TESK2: variants seen among roughly 807,000 people sequenced by gnomAD.
TESK2 encodes testis associated actin remodelling kinase 2.
A neutral mutation model predicts 57.1 loss-of-function variants in TESK2; 39 were observed. The ratio of observed to expected loss-of-function variants is 0.68; its 90% confidence interval spans 0.53 to 0.89. The LOEUF (loss-of-function observed/expected upper bound fraction) is 0.89, where lower values mean the gene tolerates loss of function less well. TESK2 is among the 40% of genes least tolerant of loss of function. The pLI is 0.00. For synonymous variants in TESK2, 249 were observed against 267.9 expected, an observed-to-expected ratio of 0.93 and a Z score of 0.69; for missense variants, 646 against 732.1, an observed-to-expected ratio of 0.88 and a Z score of 1.36.
chr1:45,490,653 A>G (rs2149311458), intron 1 of TESK2, among the ~76,000 whole-genome samples, 199 bp downstream of exon 1: 1 of 152,030 alleles, frequency 6.6e-6, no homozygotes, highest in African/African-American at 2.4e-5. Flanking sequence ...GCCTGAGGGA[A>G]GTGAGAAGGA....
intron 3 of TESK2, among the ~76,000 whole-genome samples, chr1:45,409,545 G>T (rs1280403375): frequency 6.6e-6 from 1 of 152,188 alleles, no homozygotes; most frequent in Non-Finnish European, 1.5e-5. Flanking sequence ...AGGAAATTCA[G>T]CAGGGAAATG....
intron 4 of TESK2, among the ~76,000 whole-genome samples, chr1:45,357,940 G>T (rs1647507767): frequency 6.8e-6 from 1 of 147,466 alleles, no homozygotes; most frequent in Non-Finnish European, 1.5e-5. Context: ...GGAGATGGAG[G>T]TTGCAGTAAG....
chr1:45,430,540 G>C (rs546279149), intron 2 of TESK2, among the ~76,000 whole-genome samples: 46 of 152,244 alleles, frequency 3.0e-4, no homozygotes, highest in Non-Finnish European at 6.2e-4. Context: ...ACCTCTCTCA[G>C]GTCTGAGCTC....
At chr1:45,421,596 C>A (rs1198166720) in intron 3 of TESK2, 129 bp downstream of exon 3, 13 of 1,350,766 alleles carry the variant, frequency 9.6e-6, no homozygotes, top group Admixed American at 2.1e-5. Flanking sequence ...TAGAGTACCA[C>A]TAAACCCCAG....
Position 45,434,665 on chromosome 1 carries a change from T to C in TESK2, c.223-12819A>G, listed in dbSNP as rs1205785928. ...TTCATGTCCTTTGCCCATTTTTAAA[T>C]GGGATTTTCGGGGTAGGGAGAGATG... On this transcript the variant is annotated intron_variant, in intron 2 of 10. Transcript: ENST00000372086. 2.6e-5 allele frequency among the ~76,000 whole-genome samples: 4 copies of C among 152,264 alleles called. No individual in the cohort carries two copies. The East Asian group carries it at 7.7e-4, about 29-fold the overall frequency.
intron 2 of TESK2, among the ~76,000 whole-genome samples, chr1:45,429,178 C>A (rs180965314): frequency 6.6e-6 from 1 of 152,110 alleles, no homozygotes; most frequent in African/African-American, 2.4e-5. Flanking sequence ...TCGCCAGGTG[C>A]GGTAGAGATC....
chr1:45,356,858 C>G (rs1404056247), intron 4 of TESK2, among the ~76,000 whole-genome samples: 1 of 151,942 alleles, frequency 6.6e-6, no homozygotes, highest in Non-Finnish European at 1.5e-5. Flanking sequence ...CAACAGAATC[C>G]CAAGGAACAG....
intron 1 of TESK2, among the ~76,000 whole-genome samples, chr1:45,482,572 G>C (rs1309399117): frequency 6.8e-6 from 1 of 146,370 alleles, no homozygotes; most frequent in Non-Finnish European, 1.5e-5. Context: ...ACCACAGATT[G>C]AGATCTGCAG....
chr1:45,352,785 A>G (rs1553142536), intron 5 of TESK2, among the ~76,000 whole-genome samples: 1 of 152,126 alleles, frequency 6.6e-6, no homozygotes, highest in Non-Finnish European at 1.5e-5. Context: ...ATATTTTGTC[A>G]CAAACTCCTT....
At chr1:45,482,195 TG>T (rs1653254942) in intron 1 of TESK2, among the ~76,000 whole-genome samples, 1 of 152,200 alleles carries the variant, frequency 6.6e-6, no homozygotes, top group African/African-American at 2.4e-5. Context: ...CCACTAATGC[TG>T]GAAGTGCTCT....
At chr1:45,384,007 C>G (rs1648761265) in intron 4 of TESK2, among the ~76,000 whole-genome samples, 1 of 152,034 alleles carries the variant, frequency 6.6e-6, no homozygotes, top group Non-Finnish European at 1.5e-5. Context: ...ATTAACAATT[C>G]AGAGTTCAGA....
intron 1 of TESK2, among the ~76,000 whole-genome samples, chr1:45,472,684 T>G (rs1420564723): frequency 6.6e-6 from 1 of 151,988 alleles, no homozygotes; most frequent in Non-Finnish European, 1.5e-5. Flanking sequence ...TGGCTAGCCA[T>G]TCACCTAAAG....
At chr1:45,416,231 C>T (rs1208084072) in intron 3 of TESK2, among the ~76,000 whole-genome samples, 1 of 151,428 alleles carries the variant, frequency 6.6e-6, no homozygotes, top group Non-Finnish European at 1.5e-5. Context: ...TACAGGCGCA[C>T]ACCACCATGC....
At chr1:45,475,058 T>A (rs1348655127) in intron 1 of TESK2, among the ~76,000 whole-genome samples, 2 of 105,160 alleles carry the variant, frequency 1.9e-5, no homozygotes, top group Non-Finnish European at 3.7e-5. Context: ...AGCAAGACTC[T>A]ATCTCAAAAA....
intron 3 of TESK2, among the ~76,000 whole-genome samples, chr1:45,406,603 C>G (rs2149282082): frequency 6.6e-6 from 1 of 152,164 alleles, no homozygotes; most frequent in Non-Finnish European, 1.5e-5. Flanking sequence ...TGCAGTAACC[C>G]ATGATCACAC....
intron 2 of TESK2, among the ~76,000 whole-genome samples, chr1:45,448,656 C>T (rs7514911): frequency 0.053 from 8,048 of 152,068 alleles, 723 homozygotes; most frequent in African/African-American, 0.18. Flanking sequence ...CACTTATCAC[C>T]GACGGGATGG....
chr1:45,479,295 T>A (rs1357710253), intron 1 of TESK2, among the ~76,000 whole-genome samples: 2 of 152,096 alleles, frequency 1.3e-5, no homozygotes, highest in Non-Finnish European at 2.9e-5. Context: ...GGACTAAGTA[T>A]AAAAAATACT....
At chr1:45,406,862 C>T (rs1045064593) in intron 3 of TESK2, among the ~76,000 whole-genome samples, 3 of 152,046 alleles carry the variant, frequency 2.0e-5, no homozygotes, top group Admixed American at 2.0e-4. Flanking sequence ...GAATCACCTC[C>T]TCAGAGGGAA....
chr1:45,359,251 G>A (rs1647571638), intron 4 of TESK2, among the ~76,000 whole-genome samples: 1 of 152,198 alleles, frequency 6.6e-6, no homozygotes, highest in African/African-American at 2.4e-5. Context: ...GTGTTGTTAT[G>A]AGAATCTAAT....
Sources: allele counts gnomAD v4.1 joint callset (sites outside exome capture counted in the v4.1 genomes callset), GRCh38; gene constraint gnomAD v4.1.1; transcripts MANE v1.5; gene names NCBI Gene and HGNC (gene_info 2026-07-23, HGNC 2026-07-21).